The following HMG20A variants were observed in gnomAD, a reference collection of about 807,000 sequenced individuals.
HMG20A encodes high mobility group 20A.
Under a neutral mutation model 43.9 loss-of-function variants are expected in HMG20A, and 17 were observed. That is an observed-to-expected ratio of 0.39 (90% CI 0.27 to 0.58). The LOEUF is 0.58. Ranked by LOEUF, HMG20A falls within the 20% of genes least tolerant of loss-of-function variation. HMG20A has a pLI of 0.59. For synonymous variants in HMG20A, 132 were observed against 147.5 expected, an observed-to-expected ratio of 0.89 and a Z score of 0.76; for missense variants, 341 against 438.2, an observed-to-expected ratio of 0.78 and a Z score of 1.98.
intron 1 of HMG20A, 173 bp from the exon 2 acceptor site, chr15:77,458,231 C>CGATTTTA (rs2072674129): frequency 2.0e-6 from 1 of 499,866 alleles, no homozygotes; most frequent in Non-Finnish European, 3.6e-6. Flanking sequence ...TTAAAAGGCC[C>CGATTTTA]ATTTACCATA....
intron 1 of HMG20A, among the ~76,000 whole-genome samples, chr15:77,425,631 G>A (rs1336354082): frequency 6.6e-6 from 1 of 152,170 alleles, no homozygotes; most frequent in Non-Finnish European, 1.5e-5. Flanking sequence ...TGCAGACTTT[G>A]AAGATGGTAG....
intron 1 of HMG20A, among the ~76,000 whole-genome samples, chr15:77,435,696 G>A (rs767727236): frequency 2.6e-5 from 4 of 152,068 alleles, no homozygotes; most frequent in African/African-American, 7.2e-5. Flanking sequence ...CCATGTAGGT[G>A]GTATGCTTCT....
chr15:77,518,204 G>T, the HMG20A span, among the ~76,000 whole-genome samples: 2 of 152,204 alleles, frequency 1.3e-5, no homozygotes, highest in Non-Finnish European at 2.9e-5. Context: ...ATAAGGAAGA[G>T]AGTTCAAATA....
At chr15:77,435,804 A>G (rs1483490165) in intron 1 of HMG20A, among the ~76,000 whole-genome samples, 1 of 144,356 alleles carries the variant, frequency 6.9e-6, no homozygotes, top group African/African-American at 2.5e-5. Flanking sequence ...TAACCTCAGT[A>G]ACATGTAGGT....
At chr15:77,511,881 A>G in the HMG20A span, among the ~76,000 whole-genome samples, 1 of 152,254 alleles carries the variant, frequency 6.6e-6, no homozygotes, top group Non-Finnish European at 1.5e-5. Flanking sequence ...TAGAATTACC[A>G]TATGATCCAG....
At chr15:77,505,892 G>T in the HMG20A span, among the ~76,000 whole-genome samples, 1 of 152,146 alleles carries the variant, frequency 6.6e-6, no homozygotes, top group African/African-American at 2.4e-5. Flanking sequence ...AACAGACCAG[G>T]TAGCTGCTAT....
chr15:77,450,467 A>C (rs1052609141), intron 1 of HMG20A, among the ~76,000 whole-genome samples: 6 of 152,234 alleles, frequency 3.9e-5, no homozygotes, highest in African/African-American at 1.2e-4. Context: ...GTTTGTATAC[A>C]TTGAACCATG....
intron 6 of HMG20A, among the ~76,000 whole-genome samples, chr15:77,474,829 T>C (rs923988900): frequency 1.3e-5 from 2 of 152,168 alleles, no homozygotes; most frequent in African/African-American, 4.8e-5. Context: ...ATCACACTCT[T>C]TGAAATTCTG....
intron 1 of HMG20A, among the ~76,000 whole-genome samples, chr15:77,435,494 A>G (rs999862449): frequency 6.6e-6 from 1 of 152,014 alleles, no homozygotes; most frequent in Admixed American, 6.6e-5. Flanking sequence ...GGGTTTCACC[A>G]TGTTGGCCAG....
At chr15:77,508,447 A>T in the HMG20A span, among the ~76,000 whole-genome samples, 2 of 152,300 alleles carry the variant, frequency 1.3e-5, no homozygotes, top group Non-Finnish European at 2.9e-5. Flanking sequence ...GCTCAGCTCT[A>T]TGAATAGTGA....
the HMG20A span, among the ~76,000 whole-genome samples, chr15:77,491,417 G>T: frequency 1.3e-5 from 2 of 152,192 alleles, no homozygotes; most frequent in Non-Finnish European, 2.9e-5. Context: ...TTTATCAAAA[G>T]AATTTCTTGG....
chr15:77,519,354 C>T, the HMG20A span, among the ~76,000 whole-genome samples: 1 of 152,192 alleles, frequency 6.6e-6, no homozygotes, highest in Non-Finnish European at 1.5e-5. Flanking sequence ...ACTGCAAACG[C>T]AGGCCAAGGG....
At chr15:77,428,597 T>G (rs1191137861) in intron 1 of HMG20A, among the ~76,000 whole-genome samples, 1 of 152,192 alleles carries the variant, frequency 6.6e-6, no homozygotes, top group Non-Finnish European at 1.5e-5. Flanking sequence ...GTTCCAATTC[T>G]GGCTTTAGTC....
chr15:77,445,575 T>C (rs1253182879), intron 1 of HMG20A, among the ~76,000 whole-genome samples: 2 of 152,234 alleles, frequency 1.3e-5, no homozygotes, highest in Non-Finnish European at 2.9e-5. Flanking sequence ...TTTGTGATTT[T>C]TTTTTCCTTT....
chr15:77,446,777 A>G (rs189729763), intron 1 of HMG20A, among the ~76,000 whole-genome samples: 4,780 of 151,686 alleles, frequency 0.032, 250 homozygotes, highest in African/African-American at 0.11. Context: ...ACTGCACTCC[A>G]GCCTGGGTGA....
intron 1 of HMG20A, among the ~76,000 whole-genome samples, chr15:77,445,850 T>G (rs2073668265): frequency 6.6e-6 from 1 of 152,162 alleles, no homozygotes; most frequent in African/African-American, 2.4e-5. Flanking sequence ...CAGCATGGGA[T>G]TTCATCACAC....
intron 4 of HMG20A, among the ~76,000 whole-genome samples, chr15:77,470,151 G>A (rs17471697): frequency 0.2 from 31,023 of 152,054 alleles, 3,937 homozygotes; most frequent in Middle Eastern, 0.29. Context: ...TGGCTCTTAC[G>A]CGGGACAAAG....
the HMG20A span, among the ~76,000 whole-genome samples, chr15:77,509,660 C>T: frequency 4.0e-5 from 6 of 150,456 alleles, no homozygotes; most frequent in East Asian, 1.2e-3. Flanking sequence ...AATCCTAGCA[C>T]TTTGGGAGGC....
chr15:77,491,316 A>G, the HMG20A span, among the ~76,000 whole-genome samples: 2 of 152,258 alleles, frequency 1.3e-5, no homozygotes, highest in Non-Finnish European at 1.5e-5. Flanking sequence ...ATAGAAGTCA[A>G]CTGAAGGCAG....
Sources: gnomAD v4.1 joint callset for allele counts (sites outside exome capture counted in the v4.1 genomes callset) on GRCh38, gnomAD v4.1.1 for gene constraint, MANE v1.5 for transcripts, NCBI Gene and HGNC (gene_info 2026-07-23, HGNC 2026-07-21) for gene names.